Variants in SLC67A1 observed in about 807,000 individuals in gnomAD.
The protein encoded by SLC67A1 is solute carrier family 67 member A1.
chr11:2,909,968 C>A, the SLC67A1 span: 1 of 421,410 alleles, frequency 2.4e-6, no homozygotes, highest in South Asian at 4.6e-5. Flanking sequence ...CACGCACAGC[C>A]CCACTGGGAC....
the SLC67A1 span, chr11:2,909,848 C>G: frequency 4.1e-6 from 4 of 975,332 alleles, no homozygotes; most frequent in Non-Finnish European, 5.7e-6. Context: ...CTACTGGGGA[C>G]GTCTGGCCCC....
the SLC67A1 span, among the ~76,000 whole-genome samples, chr11:2,902,016 T>A: frequency 1.3e-5 from 2 of 152,042 alleles, no homozygotes; most frequent in Non-Finnish European, 2.9e-5. Flanking sequence ...AGGGTCAGAG[T>A]GTCCACCTCC....
the SLC67A1 span, among the ~76,000 whole-genome samples, chr11:2,900,640 C>A: frequency 7.1e-6 from 1 of 141,018 alleles, no homozygotes; most frequent in Non-Finnish European, 1.5e-5. Flanking sequence ...TTGCAGCGAG[C>A]CGAGATCGCG....
chr11:2,914,989 G>C, the SLC67A1 span: 1 of 985,302 alleles, frequency 1.0e-6, no homozygotes, highest in African/African-American at 1.7e-5. Flanking sequence ...CATTCGTGCG[G>C]AACCCCAGCA....
chr11:2,916,509 G>C, the SLC67A1 span: 1 of 748,082 alleles, frequency 1.3e-6, no homozygotes, highest in South Asian at 1.7e-5. Context: ...TGGGGATGTG[G>C]GAGGTCAGAT....
chr11:2,912,635 G>T, the SLC67A1 span, among the ~76,000 whole-genome samples: 1 of 152,158 alleles, frequency 6.6e-6, no homozygotes, highest in African/African-American at 2.4e-5. Context: ...AGGCTGCGGG[G>T]GCGGGCACTG....
the SLC67A1 span, among the ~76,000 whole-genome samples, chr11:2,906,791 C>G: frequency 6.6e-6 from 1 of 151,442 alleles, no homozygotes; most frequent in Non-Finnish European, 1.5e-5. Flanking sequence ...GTGCAGCAAA[C>G]CAACATGGCA....
At chr11:2,915,722 G>T in the SLC67A1 span, among the ~76,000 whole-genome samples, 1 of 152,174 alleles carries the variant, frequency 6.6e-6, no homozygotes, top group Admixed American at 6.5e-5. Context: ...GAGGAAGGCC[G>T]TGGCGGTCCG....
At chr11:2,908,722 G>T in the SLC67A1 span, among the ~76,000 whole-genome samples, 1 of 152,188 alleles carries the variant, frequency 6.6e-6, no homozygotes, top group African/African-American at 2.4e-5. Context: ...AGCAGACAGG[G>T]GAGCAAGGGA....
the SLC67A1 span, chr11:2,920,082 G>A: frequency 2.2e-5 from 1 of 45,266 alleles, no homozygotes; most frequent in Non-Finnish European, 7.3e-5. Context: ...CAGCCAGAGT[G>A]CGGGGCGGGG....
the SLC67A1 span, chr11:2,919,472 G>A: frequency 1.7e-6 from 2 of 1,195,456 alleles, no homozygotes; most frequent in East Asian, 4.7e-5. Flanking sequence ...AGGCCTCTGA[G>A]AGTAGAGGCT....
chr11:2,914,146 A>G, the SLC67A1 span, among the ~76,000 whole-genome samples: 2 of 152,256 alleles, frequency 1.3e-5, no homozygotes, highest in African/African-American at 4.8e-5. Context: ...TGTCCTTTCA[A>G]CAGCATCCAG....
the SLC67A1 span, among the ~76,000 whole-genome samples, chr11:2,913,411 C>T: frequency 1.3e-5 from 2 of 152,002 alleles, no homozygotes; most frequent in Admixed American, 6.6e-5. Context: ...CCATTTGGGG[C>T]AGGAGGGAGC....
At chr11:2,902,129 C>T in the SLC67A1 span, 1 of 151,878 alleles carries the variant, frequency 6.6e-6, no homozygotes, top group Non-Finnish European at 1.5e-5. Context: ...GCGGGTCCTT[C>T]GAGGGGAGGG....
chr11:2,924,419 G>A, the SLC67A1 span, among the ~76,000 whole-genome samples: 12 of 152,158 alleles, frequency 7.9e-5, no homozygotes, highest in Admixed American at 1.3e-4. This position sits in a 1 kb window ranked among gnomAD's most constrained non-coding sequence, Gnocchi z 8.6. Flanking sequence ...AGGAGGGGCC[G>A]TGGGATGGGG....
At chr11:2,914,639 G>A in the SLC67A1 span, 1 of 918,040 alleles carries the variant, frequency 1.1e-6, no homozygotes, top group South Asian at 5.0e-5. Flanking sequence ...ACAGGCCTTT[G>A]GTTTACCCAC....
the SLC67A1 span, chr11:2,902,693 G>A: frequency 4.5e-5 from 44 of 985,576 alleles, no homozygotes; most frequent in South Asian, 1.7e-3. Flanking sequence ...GGAAGGGTGG[G>A]GACAGACAGC....
the SLC67A1 span, chr11:2,921,331 A>G: frequency 1.3e-5 from 2 of 152,186 alleles, no homozygotes; most frequent in East Asian, 3.9e-4. Flanking sequence ...GGTTGGAAGC[A>G]GTTTCTGTTC....
the SLC67A1 span, chr11:2,909,620 G>A: frequency 1.3e-6 from 2 of 1,531,894 alleles, no homozygotes; most frequent in Middle Eastern, 1.9e-4. Flanking sequence ...CCCGAGGAGC[G>A]GCCCGCGGCC....
Sources: gnomAD v4.1 joint callset for allele counts (sites outside exome capture counted in the v4.1 genomes callset) on GRCh38, gnomAD v4.1.1 for gene constraint, Gnocchi (gnomAD v3.1) non-coding constraint, MANE v1.5 for transcripts, NCBI Gene and HGNC (gene_info 2026-07-23, HGNC 2026-07-21) for gene names.